Variants in SGCZ observed in about 807,000 individuals in gnomAD.
The protein encoded by SGCZ is zeta-sarcoglycan.
A neutral mutation model predicts 41.3 loss-of-function variants in SGCZ; 40 were observed. That is an observed-to-expected ratio of 0.97 (90% CI 0.75 to 1.26). The LOEUF (loss-of-function observed/expected upper bound fraction) is 1.26. Among genes scored for constraint, SGCZ ranks in the 50% most tolerant of loss-of-function variants. SGCZ has a pLI of 0.00. For missense variants in SGCZ, 552 were observed against 369.8 expected (o/e 1.49, Z -4.04); for synonymous variants, 206 against 137.5 (o/e 1.50, Z -3.49).
At chr8:14,796,843 A>G (rs1006286528) in intron 1 of SGCZ, among the ~76,000 whole-genome samples, 4 of 152,090 alleles carry the variant, frequency 2.6e-5, no homozygotes, top group Non-Finnish European at 5.9e-5. Context: ...GCTACTCTCA[A>G]GAGGGTGAGT....
chr8:14,674,928 GTTTTTT>G (rs201881681), intron 1 of SGCZ, among the ~76,000 whole-genome samples: 13,973 of 71,598 alleles, frequency 0.2, 1,681 homozygotes, highest in South Asian at 0.32. Context: ...TTTCTTTTCT[GTTTTTT>G]TTTTTTTTTT....
At chr8:14,487,266 T>C (rs1801701037) in intron 2 of SGCZ, among the ~76,000 whole-genome samples, 2 of 152,196 alleles carry the variant, frequency 1.3e-5, no homozygotes, top group South Asian at 4.1e-4. Flanking sequence ...TTATTGGTAC[T>C]CTAAATAAGA....
intron 5 of SGCZ, among the ~76,000 whole-genome samples, chr8:14,138,378 G>T (rs532431198): frequency 6.6e-6 from 1 of 152,202 alleles, no homozygotes; most frequent in Admixed American, 6.5e-5. Context: ...CCAATTAACA[G>T]ACAAAGATTG....
chr8:15,179,508 C>G (rs1800100871), intron 1 of SGCZ, among the ~76,000 whole-genome samples: 1 of 152,034 alleles, frequency 6.6e-6, no homozygotes, highest in Non-Finnish European at 1.5e-5. Context: ...AATTACAAAC[C>G]AGGAAACCAA....
At chr8:14,840,934 T>A (rs1802884128) in intron 1 of SGCZ, among the ~76,000 whole-genome samples, 1 of 152,120 alleles carries the variant, frequency 6.6e-6, no homozygotes, top group South Asian at 2.1e-4. Context: ...TACTATAGCT[T>A]ATTACATCAA....
chr8:14,145,215 A>T (rs1360533720), intron 5 of SGCZ, among the ~76,000 whole-genome samples: 1 of 152,130 alleles, frequency 6.6e-6, no homozygotes, highest in Non-Finnish European at 1.5e-5. Context: ...CTCTACCCCC[A>T]GCTTCAGGAC....
intron 1 of SGCZ, among the ~76,000 whole-genome samples, chr8:14,702,927 A>G (rs1311867701): frequency 1.7e-5 from 1 of 58,268 alleles, no homozygotes; most frequent in Non-Finnish European, 4.3e-5. Context: ...TTAGGTAGGT[A>G]GATAGATAGA....
chr8:14,295,577 G>A lies in SGCZ; in HGVS notation c.336+28526C>T, dbSNP rs538137338. ...AGTTTTCATGGAGTAAGTAGTGCAG[G>A]ATTCAACCATCTGCTGTAAAATGAA... On this transcript the variant is annotated intron_variant, in intron 3 of 7. Coordinates refer to ENST00000382080, the MANE Select transcript of SGCZ (RefSeq NM_139167.4). Among the ~76,000 whole-genome samples the A allele has an allele frequency of 2.6e-5, 4 of 152,174 alleles. No homozygotes were observed. In the South Asian group the frequency reaches 6.2e-4, roughly 24 times the overall value.
chr8:14,366,200 T>G (rs992827580), intron 2 of SGCZ, among the ~76,000 whole-genome samples: 1 of 152,150 alleles, frequency 6.6e-6, no homozygotes, highest in African/African-American at 2.4e-5. Context: ...TACCAGAGAC[T>G]GGATATTTCA....
intron 1 of SGCZ, among the ~76,000 whole-genome samples, chr8:14,600,315 T>G (rs1031780237): frequency 6.6e-6 from 1 of 152,202 alleles, no homozygotes; most frequent in Non-Finnish European, 1.5e-5. Context: ...TAACGGCATC[T>G]ATATACTGAT....
At chr8:14,305,944 CCA>C (rs1246361257) in intron 3 of SGCZ, among the ~76,000 whole-genome samples, 1 of 152,184 alleles carries the variant, frequency 6.6e-6, no homozygotes, top group Non-Finnish European at 1.5e-5. Flanking sequence ...CTGGATGAGA[CCA>C]CATGGAGTGC....
At chr8:14,310,013 A>AC (rs1801479636) in intron 3 of SGCZ, among the ~76,000 whole-genome samples, 1 of 151,954 alleles carries the variant, frequency 6.6e-6, no homozygotes, top group Admixed American at 6.6e-5. Flanking sequence ...AGTCAAAAAA[A>AC]AACTTGGCAT....
intron 1 of SGCZ, among the ~76,000 whole-genome samples, chr8:14,736,625 C>A (rs749656341): frequency 1.3e-5 from 2 of 151,960 alleles, no homozygotes; most frequent in African/African-American, 4.8e-5. Context: ...TTCCTCACCC[C>A]CCTCCCACTT....
intron 1 of SGCZ, among the ~76,000 whole-genome samples, chr8:15,049,331 C>A (rs1295593336): frequency 6.6e-6 from 1 of 151,948 alleles, no homozygotes; most frequent in Non-Finnish European, 1.5e-5. Flanking sequence ...ATTCAACAAT[C>A]CAAAAGATTG....
intron 1 of SGCZ, among the ~76,000 whole-genome samples, chr8:14,854,171 G>C (rs1803460395): frequency 6.6e-6 from 1 of 150,910 alleles, no homozygotes; most frequent in East Asian, 1.9e-4. Context: ...TGATTTTTGT[G>C]TTACCTCATC....
intron 4 of SGCZ, among the ~76,000 whole-genome samples, chr8:14,202,902 A>T (rs1805500476): frequency 6.6e-6 from 1 of 152,138 alleles, no homozygotes; most frequent in African/African-American, 2.4e-5. Context: ...CAATTCCCAC[A>T]TCTTGTGGGA....
At chr8:14,273,624 T>G (rs1008752879) in intron 3 of SGCZ, among the ~76,000 whole-genome samples, 2 of 152,184 alleles carry the variant, frequency 1.3e-5, no homozygotes, top group Non-Finnish European at 2.9e-5. Flanking sequence ...CATATTGTGT[T>G]TTAAACCTTT....
chr8:14,793,003 C>G (rs1013760388), intron 1 of SGCZ, among the ~76,000 whole-genome samples: 1 of 152,124 alleles, frequency 6.6e-6, no homozygotes, highest in Non-Finnish European at 1.5e-5. Context: ...TTTGACAATG[C>G]TATTTGAATA....
intron 1 of SGCZ, among the ~76,000 whole-genome samples, chr8:14,957,019 G>A (rs966989006): frequency 2.6e-5 from 4 of 151,782 alleles, no homozygotes; most frequent in Admixed American, 6.6e-5. Flanking sequence ...GCCCTAGCAC[G>A]ATAGAAAAAA....
Sources: allele counts gnomAD v4.1 joint callset (sites outside exome capture counted in the v4.1 genomes callset), GRCh38; gene constraint gnomAD v4.1.1; transcripts MANE v1.5; gene names NCBI Gene and HGNC (gene_info 2026-07-23, HGNC 2026-07-21).